TMTC2: variants seen among roughly 807,000 people sequenced by gnomAD.
TMTC2 encodes the protein protein O-mannosyl-transferase TMTC2.
Under a neutral mutation model 82.4 loss-of-function variants are expected in TMTC2, and 43 were observed. The ratio of observed to expected loss-of-function variants is 0.52; its 90% CI spans 0.41 to 0.67. The LOEUF is 0.67. Among genes scored for constraint, TMTC2 ranks in the 30% least tolerant of loss-of-function variants. TMTC2 has a pLI of 0.00. For missense variants in TMTC2, 919 were observed against 1,012.4 expected, an observed-to-expected ratio of 0.91 and a Z score of 1.25; for synonymous variants, 408 against 381.9, an observed-to-expected ratio of 1.07 and a Z score of -0.80.
intron 1 of TMTC2, among the ~76,000 whole-genome samples, chr12:82,780,446 TG>T (rs1475015839): frequency 6.6e-6 from 1 of 152,070 alleles, no homozygotes; most frequent in Non-Finnish European, 1.5e-5. Context: ...TTTTTTTTTT[TG>T]TTGAGTGTTT....
At chr12:82,837,802 C>A (rs574355614) in intron 1 of TMTC2, among the ~76,000 whole-genome samples, 6 of 152,238 alleles carry the variant, frequency 3.9e-5, no homozygotes, top group South Asian at 4.1e-4. Flanking sequence ...GTGTATTATT[C>A]TTTTAGGATT....
rs116918261 is a variant in TMTC2, at chr12:83,037,705, G to A, written c.2152+6826G>A. Among the ~76,000 whole-genome samples, 729 of 151,764 alleles carry A rather than the reference G, an allele frequency of 4.8e-3. 7 individuals are homozygous for A. The highest frequency in any genetic ancestry group is 0.043 in the South Asian group (208 of 4,798). ...AATACAATTTAATCTTCATACCTTC[G>A]TGTATTTTACATAAGATACTTTCCA... On this transcript the variant is annotated intron_variant, in intron 9 of 11. Coordinates refer to ENST00000321196, the MANE Select transcript of TMTC2 (RefSeq NM_152588.3).
At chr12:82,799,421 C>G (rs1878887573) in intron 1 of TMTC2, among the ~76,000 whole-genome samples, 1 of 152,142 alleles carries the variant, frequency 6.6e-6, no homozygotes, top group African/African-American at 2.4e-5. Flanking sequence ...CCCTTTCTCT[C>G]ACTACTGTAA....
In TMTC2 at chr12:82,937,786, A is replaced by ATACATATATATATATATATATATATG. The variant is rs1565818420; in HGVS notation, c.1598+7243_1598+7244insCATATATATATATATATATATATGTA. 5.1e-3 allele frequency among the ~76,000 whole-genome samples: 116 copies of ATACATATATATATATATATATATATG among 22,676 alleles called. 1 individual carries two copies. Among genetic ancestry groups the ATACATATATATATATATATATATATG allele is most frequent in the Non-Finnish European group, 9.5e-3 (93 of 9,772 alleles). 14.9% of individuals were successfully genotyped at this position (22,676 alleles called of 152,430 possible). A position where few individuals can be genotyped will look rare whatever the true frequency, so the allele number is the denominator to read the frequency against. The stretch of plus-strand genomic sequence containing the variant: ...TATATATATATATATATATATATAT[A>ATACATATATATATATATATATATATG]TATATATATACACACATATATATAT... On this transcript the variant is annotated intron_variant, in intron 4 of 11. Transcript: ENST00000321196.
intron 8 of TMTC2, among the ~76,000 whole-genome samples, chr12:83,024,331 C>G (rs1881069545): frequency 6.6e-6 from 1 of 152,150 alleles, no homozygotes; most frequent in South Asian, 2.1e-4. Context: ...ACTTTTTACA[C>G]TCATTTAACT....
chr12:82,753,943 TAGTA>T (rs1320545019), intron 1 of TMTC2, among the ~76,000 whole-genome samples: 1 of 152,174 alleles, frequency 6.6e-6, no homozygotes, highest in Non-Finnish European at 1.5e-5. Flanking sequence ...TAGGGAGTCT[TAGTA>T]GGTCACGTTT....
intron 4 of TMTC2, among the ~76,000 whole-genome samples, chr12:82,950,531 C>T (rs1877291931): frequency 6.6e-6 from 1 of 152,188 alleles, no homozygotes; most frequent in African/African-American, 2.4e-5. Flanking sequence ...TTGAACCCTT[C>T]ATTTTAAGAT....
At chr12:83,107,455 C>T (rs1200592487) in intron 11 of TMTC2, among the ~76,000 whole-genome samples, 1 of 152,138 alleles carries the variant, frequency 6.6e-6, no homozygotes, top group African/African-American at 2.4e-5. Flanking sequence ...AATGTGCTAG[C>T]TCAAGTCACT....
intron 2 of TMTC2, among the ~76,000 whole-genome samples, chr12:82,858,736 G>A (rs540482337): frequency 7.9e-5 from 12 of 151,684 alleles, no homozygotes; most frequent in Non-Finnish European, 1.6e-4. Context: ...AGTATTAAGG[G>A]CTTAATGAAG....
intron 8 of TMTC2, among the ~76,000 whole-genome samples, chr12:83,016,930 G>A (rs771783741): frequency 7.9e-5 from 12 of 152,114 alleles, no homozygotes; most frequent in Non-Finnish European, 1.5e-4. Context: ...TTAGAATAGC[G>A]CCTGATGCAT....
intron 7 of TMTC2, among the ~76,000 whole-genome samples, chr12:82,971,243 T>G (rs1047600260): frequency 2.0e-5 from 3 of 152,160 alleles, no homozygotes; most frequent in African/African-American, 7.2e-5. Context: ...CTTTTTCTGC[T>G]TAGTCCTTCT....
At chr12:82,909,615 C>T (rs1874513055) in intron 3 of TMTC2, among the ~76,000 whole-genome samples, 1 of 152,178 alleles carries the variant, frequency 6.6e-6, no homozygotes. Flanking sequence ...GCTGGGATTA[C>T]AGGCATGAGC....
chr12:83,096,061 A>G (rs189347887), intron 11 of TMTC2, among the ~76,000 whole-genome samples: 2 of 152,374 alleles, frequency 1.3e-5, no homozygotes, highest in East Asian at 3.9e-4. Flanking sequence ...CTTGAATTCA[A>G]TTCACTTTAC....
At position 82,882,749 on chromosome 12, in the gene TMTC2, A is replaced by G. The variant is rs1872895025; in HGVS notation, c.655-13069A>G. On this transcript the variant is annotated intron_variant, in intron 2 of 11. Coordinates refer to ENST00000321196, the MANE Select transcript of TMTC2 (RefSeq NM_152588.3). ...ACTGATGGATGCTTTCCTATGTGAA[A>G]ACTTTAGTTTAAAAACTATAGTCTA... Among the ~76,000 whole-genome samples, 3 of 152,058 alleles carry G rather than the reference A, an allele frequency of 2.0e-5. 1 individual carries two copies. Among genetic ancestry groups the G allele is most frequent in the East Asian group, 3.9e-4 (2 of 5,174 alleles).
intron 4 of TMTC2, among the ~76,000 whole-genome samples, chr12:82,943,280 A>G (rs1350391929): frequency 2.0e-5 from 3 of 152,226 alleles, no homozygotes; most frequent in African/African-American, 7.2e-5. Context: ...TATTGGATGA[A>G]TAAATTTATA....
chr12:82,928,887 C>T (rs1466255448), intron 3 of TMTC2, among the ~76,000 whole-genome samples: 2 of 152,032 alleles, frequency 1.3e-5, no homozygotes, highest in African/African-American at 2.4e-5. Flanking sequence ...ACTTTGCAAA[C>T]GTGAAGGATT....
At chr12:82,793,013 G>A (rs1018584756) in intron 1 of TMTC2, among the ~76,000 whole-genome samples, 2 of 152,076 alleles carry the variant, frequency 1.3e-5, no homozygotes, top group Non-Finnish European at 2.9e-5. Flanking sequence ...TTCTTAAAGT[G>A]TGCTATATTT....
intron 1 of TMTC2, among the ~76,000 whole-genome samples, chr12:82,767,577 T>A (rs866159572): frequency 2.0e-5 from 3 of 152,182 alleles, no homozygotes; most frequent in African/African-American, 7.2e-5. Flanking sequence ...GGAGTGAGAC[T>A]CTGTCTCAAA....
intron 2 of TMTC2, among the ~76,000 whole-genome samples, chr12:82,884,159 G>T (rs1345205591): frequency 6.6e-6 from 1 of 152,172 alleles, no homozygotes; most frequent in Non-Finnish European, 1.5e-5. Flanking sequence ...GTTAGCTCTA[G>T]AAGGGGCTTG....
Sources: allele counts gnomAD v4.1 joint callset (sites outside exome capture counted in the v4.1 genomes callset), GRCh38; gene constraint gnomAD v4.1.1; transcripts MANE v1.5; gene names NCBI Gene and HGNC (gene_info 2026-07-23, HGNC 2026-07-21).